VAV1: variants seen among roughly 807,000 people sequenced by gnomAD.
The protein encoded by VAV1 is proto-oncogene vav.
In VAV1, 33 loss-of-function variants were observed where a neutral mutation model predicts 128.1. The observed-to-expected ratio is 0.26, with a 90% CI of 0.20 to 0.34. The LOEUF is 0.34. VAV1 is among the 10% of genes least tolerant of loss of function. The pLI, the probability that VAV1 is intolerant of heterozygous loss-of-function variation, is 1.00. For synonymous variants in VAV1, 394 were observed against 409.8 expected, an observed-to-expected ratio of 0.96 and a Z score of 0.47; for missense variants, 715 against 1,093.7, an observed-to-expected ratio of 0.65 and a Z score of 4.88.
chr19:6,830,907 G>A (rs1972039314), intron 14 of VAV1, among the ~76,000 whole-genome samples: 1 of 152,026 alleles, frequency 6.6e-6, no homozygotes, highest in Non-Finnish European at 1.5e-5. Flanking sequence ...GGGCAACATA[G>A]GGAGATCCCC....
In VAV1 at chr19:6,786,925, A is replaced by C. The variant is rs572964308; in HGVS notation, c.204+13914A>C. On this transcript the variant is annotated intron_variant, in intron 1 of 26. Transcript: ENST00000602142. ...AAAAACTTCTCTAGTAACAATCTAT[A>C]TAAAAATGATCCCTGAAAGTAGAGT... Among the ~76,000 whole-genome samples, 3 of 152,324 alleles carry C rather than the reference A, an allele frequency of 2.0e-5. No homozygotes were observed. The South Asian group carries it at 6.2e-4, about 32-fold the overall frequency.
chr19:6,814,671 C>CCTTCCTTTCTCTCTCTCTCTCTCTCTTT, intron 1 of VAV1, among the ~76,000 whole-genome samples: 1 of 25,796 alleles, frequency 3.9e-5, no homozygotes, highest in African/African-American at 1.6e-4. Context: ...TTCCTTCCTT[C>CCTTCCTTTCTCTCTCTCTCTCTCTCTTT]CTTTCTTTCT....
intron 21 of VAV1, among the ~76,000 whole-genome samples, chr19:6,840,598 C>G (rs1172578633): frequency 6.6e-6 from 1 of 151,578 alleles, no homozygotes; most frequent in East Asian, 1.9e-4. Flanking sequence ...TGCGCCCGGC[C>G]TTTTTTTATT....
At chr19:6,797,008 C>A (rs191696803) in intron 1 of VAV1, among the ~76,000 whole-genome samples, 1 of 151,990 alleles carries the variant, frequency 6.6e-6, no homozygotes, top group Non-Finnish European at 1.5e-5. Context: ...GAGGCCGAGA[C>A]GGGTGGATCA....
intron 1 of VAV1, among the ~76,000 whole-genome samples, chr19:6,786,069 G>C (rs1219310012): frequency 1.3e-5 from 2 of 151,982 alleles, no homozygotes; most frequent in Non-Finnish European, 2.9e-5. Context: ...ATAGCACTTA[G>C]TGCTCTCTGA....
intron 21 of VAV1, among the ~76,000 whole-genome samples, chr19:6,839,054 C>T (rs1972302850): frequency 6.6e-6 from 1 of 152,070 alleles, no homozygotes; most frequent in South Asian, 2.1e-4. Flanking sequence ...AGGCGCCTGC[C>T]ACCACATCTG....
chr19:6,843,649 C>A (rs770591924), intron 22 of VAV1, among the ~76,000 whole-genome samples: 10 of 152,118 alleles, frequency 6.6e-5, no homozygotes, highest in Non-Finnish European at 1.5e-4. Context: ...CAGCATTCCT[C>A]TCTGGAAAAT....
intron 1 of VAV1, among the ~76,000 whole-genome samples, chr19:6,818,018 T>C (rs1323532675): frequency 3.3e-5 from 5 of 152,058 alleles, no homozygotes; most frequent in Non-Finnish European, 5.9e-5. Context: ...GGGATCTCAT[T>C]ATGTGGCCCC....
At chr19:6,832,990 T>C (rs1972122607) in intron 15 of VAV1, among the ~76,000 whole-genome samples, 194 bp from the exon 16 acceptor site, 1 of 152,194 alleles carries the variant, frequency 6.6e-6, no homozygotes, top group South Asian at 2.1e-4. Context: ...ACTCCTAGCC[T>C]GCTTTCTCTT....
rs1487931360 is a variant in VAV1, at chr19:6,828,232, G to A, written c.1023+61G>A. ...CCTACTCTCCTGTGTCTATAAAAGT[G>A]GGGACGGGGCTGGCTTCTGGGGGTT... On this transcript the variant is annotated intron_variant, in intron 10 of 26. Transcript: ENST00000602142. The surrounding 1 kb of genome is among the most constrained non-coding windows in gnomAD (Gnocchi z 4.5). 6 of 1,595,572 alleles carry A rather than the reference G, an allele frequency of 3.8e-6. No individual in the cohort carries two copies. Among genetic ancestry groups the A allele is most frequent in the African/African-American group, 1.3e-5 (1 of 74,512 alleles).
chr19:6,788,350 T>TTTATTATTATTATTA (rs148778427), intron 1 of VAV1, among the ~76,000 whole-genome samples: 26 of 141,978 alleles, frequency 1.8e-4, no homozygotes, highest in African/African-American at 5.7e-4. Flanking sequence ...TTCTTTTTAT[T>TTTATTATTATTATTA]TTATTATTAT....
At chr19:6,823,335 A>G (rs1458084376) in intron 6 of VAV1, among the ~76,000 whole-genome samples, 1 of 151,386 alleles carries the variant, frequency 6.6e-6, no homozygotes, top group Non-Finnish European at 1.5e-5. Flanking sequence ...CATGTTGGCC[A>G]GGCTGGTCTC....
In VAV1 at chr19:6,826,831, C is replaced by A; in HGVS notation, c.927+120C>A. On this transcript the variant is annotated intron_variant, in intron 9 of 26. Coordinates refer to ENST00000602142, the MANE Select transcript of VAV1 (RefSeq NM_005428.4). The surrounding 1 kb of genome is among the most constrained non-coding windows in gnomAD (Gnocchi z 4.1). ...TGCTGCAGCCCAGCCAGAGATCCACCAAAGGACTAGGGAGGGAGGTACTAG... is the reference window on the plus strand; with the variant it reads ...TGCTGCAGCCCAGCCAGAGATCCACAAAAGGACTAGGGAGGGAGGTACTAG... The A allele has an allele frequency of 5.0e-6, 4 of 796,174 alleles. No individual in the cohort carries two copies. Among genetic ancestry groups the A allele is most frequent in the Non-Finnish European group, 8.3e-6 (4 of 482,884 alleles). The allele number at this position is 796,174 out of a possible 1,614,324, so 49.3% of individuals were successfully genotyped here. A position where few individuals can be genotyped will look rare whatever the true frequency, so the allele number is the denominator to read the frequency against.
At position 6,809,584 on chromosome 19, in the gene VAV1, A is replaced by C. The variant is rs186713521; in HGVS notation, c.205-11118A>C. ...AAAGAGTAGAGTCATCAGAGAAGTC[A>C]GCAGGGGCCGTGGTGAGGTTGAACT... On this transcript the variant is annotated intron_variant, in intron 1 of 26. Coordinates refer to ENST00000602142, the MANE Select transcript of VAV1 (RefSeq NM_005428.4). Among the ~76,000 whole-genome samples the C allele has an allele frequency of 2.0e-5, 3 of 152,290 alleles. No homozygotes were observed. The East Asian group carries it at 5.8e-4, about 29-fold the overall frequency.
intron 1 of VAV1, among the ~76,000 whole-genome samples, chr19:6,795,035 T>A (rs1971099854): frequency 6.6e-6 from 1 of 152,022 alleles, no homozygotes; most frequent in African/African-American, 2.4e-5. Context: ...GCGACCGGGT[T>A]TCAAGAAACC....
chr19:6,811,361 T>C (rs1333209124), intron 1 of VAV1, among the ~76,000 whole-genome samples: 3 of 152,148 alleles, frequency 2.0e-5, no homozygotes, highest in Non-Finnish European at 2.9e-5. Context: ...ATAAATTGTA[T>C]TGGGCACTAT....
intron 1 of VAV1, among the ~76,000 whole-genome samples, chr19:6,780,588 T>TG (rs1970748293): frequency 7.0e-6 from 1 of 143,354 alleles, no homozygotes; most frequent in African/African-American, 2.7e-5. Flanking sequence ...TTTTTTTTTT[T>TG]TGGGACGGAG....
At chr19:6,852,896 T>C in intron 24 of VAV1, 69 bp from the exon 25 acceptor site, 1 of 1,305,614 alleles carries the variant, frequency 7.7e-7, no homozygotes, top group South Asian at 1.2e-5. Context: ...TGCATATGGC[T>C]GTTCCTAGCT....
At chr19:6,776,488 T>C (rs1316073155) in intron 1 of VAV1, among the ~76,000 whole-genome samples, 835 of 63,230 alleles carry the variant, frequency 0.013, no homozygotes, top group Middle Eastern at 0.05. Context: ...ATTCATCCAT[T>C]CATCCATCCA....
Sources: allele counts gnomAD v4.1 joint callset (sites outside exome capture counted in the v4.1 genomes callset), GRCh38; gene constraint gnomAD v4.1.1; non-coding constraint Gnocchi (gnomAD v3.1); transcripts MANE v1.5; gene names NCBI Gene and HGNC (gene_info 2026-07-23, HGNC 2026-07-21).